The following CMKLR1 variants were observed in gnomAD, a reference collection of about 807,000 sequenced individuals.
CMKLR1 encodes the protein chemerin-like receptor 1.
CMKLR1 carries 6 observed loss-of-function variants against 8.2 expected under a neutral mutation model. The ratio of observed to expected loss-of-function variants is 0.73; its 90% CI spans 0.40 to 1.44. The LOEUF is 1.44. CMKLR1 is among the 40% of genes most tolerant of loss of function. CMKLR1 has a pLI of 0.02. For missense variants in CMKLR1, 429 were observed against 478.0 expected (o/e 0.90, Z 0.96); for synonymous variants, 178 against 181.2 (o/e 0.98, Z 0.14).
At position 108,319,669 on chromosome 12, in the gene CMKLR1, T is replaced by G. The variant is rs1891813370; in HGVS notation, c.-74+10326A>C. On this transcript the variant is annotated intron_variant, in intron 2 of 3. Transcript: ENST00000550402. Reference sequence around the variant, plus strand: ...ATAATAATACCTGGCCCATGGTATGTTCTCAGTATATTATCCATTGTTATT... The same window carrying G: ...ATAATAATACCTGGCCCATGGTATGGTCTCAGTATATTATCCATTGTTATT... Among the ~76,000 whole-genome samples the G allele has an allele frequency of 2.0e-5, 3 of 152,228 alleles. No individual in the cohort carries two copies. In the South Asian group the frequency reaches 6.2e-4, roughly 32 times the overall value.
intron 2 of CMKLR1, among the ~76,000 whole-genome samples, chr12:108,301,486 C>A (rs1159433028): frequency 6.6e-6 from 1 of 152,166 alleles, no homozygotes; most frequent in Non-Finnish European, 1.5e-5. Flanking sequence ...GCCACCCAGG[C>A]CACCCACACA....
intron 1 of CMKLR1, among the ~76,000 whole-genome samples, chr12:108,335,434 C>A (rs1436718976): frequency 6.6e-6 from 1 of 152,178 alleles, no homozygotes; most frequent in South Asian, 2.1e-4. Flanking sequence ...AGTGGGACCA[C>A]CAGATGAGTC....
chr12:108,337,719 C>T (rs1892261580), intron 1 of CMKLR1, among the ~76,000 whole-genome samples: 2 of 152,068 alleles, frequency 1.3e-5, no homozygotes, highest in South Asian at 4.2e-4. Flanking sequence ...CCAAAGAAGG[C>T]CCCTGTGCAT....
rs1417635171 is a variant in CMKLR1, at chr12:108,288,485, G to A, written c.*3356C>T. The A allele has an allele frequency of 6.6e-6, 1 of 152,188 alleles. No individual in the cohort carries two copies. Among genetic ancestry groups the A allele is most frequent in the Non-Finnish European group, 1.5e-5 (1 of 68,096 alleles). The allele number at this position is 152,188 out of a possible 1,614,324, so 9.4% of individuals were successfully genotyped here. A position where few individuals can be genotyped will look rare whatever the true frequency, so the allele number is the denominator to read the frequency against. Reference sequence around the variant, plus strand: ...TCCCAACCCCACCAGAGCTGACTCTGGGGTCGAATTTGAGCCAATCCCCTC... The same window carrying A: ...TCCCAACCCCACCAGAGCTGACTCTAGGGTCGAATTTGAGCCAATCCCCTC... On this transcript the variant is annotated 3_prime_UTR_variant, in exon 4 of 4. Coordinates refer to ENST00000550402, the MANE Select transcript of CMKLR1 (RefSeq NM_001142343.2).
chr12:108,314,936 T>G (rs906095341), intron 2 of CMKLR1, among the ~76,000 whole-genome samples: 32 of 145,984 alleles, frequency 2.2e-4, no homozygotes, highest in African/African-American at 7.8e-4. Flanking sequence ...ACAGCCTTGT[T>G]TTTTTTTTTT....
rs1220472367 is a variant in CMKLR1 at position 108,291,452 on chromosome 12, A to AC, written c.*388dup. 4.9e-6 allele frequency: 1 copy of AC among 204,064 alleles called. No individual in the cohort carries two copies. The highest frequency in any genetic ancestry group is 5.3e-5 in the Admixed American group (1 of 18,976). 12.6% of individuals were successfully genotyped at this position (204,064 alleles called of 1,614,324 possible). On this transcript the variant is annotated 3_prime_UTR_variant, in exon 4 of 4. Transcript: ENST00000550402. ...TCTGCATCACACTGGGTTTGCTCTG[A>AC]CCCCCTCACTGCTCACACCAGGAAT...
intron 2 of CMKLR1, among the ~76,000 whole-genome samples, chr12:108,312,086 C>T (rs1394446714): frequency 1.3e-5 from 2 of 152,200 alleles, no homozygotes; most frequent in Admixed American, 6.5e-5. Context: ...GTGCCAGGCA[C>T]CTAGCTGTGA....
intron 2 of CMKLR1, among the ~76,000 whole-genome samples, chr12:108,319,904 A>C (rs565861463): frequency 1.3e-5 from 2 of 152,296 alleles, no homozygotes; most frequent in South Asian, 2.1e-4. Context: ...CTTACTGAGC[A>C]CATATTACCT....
intron 2 of CMKLR1, among the ~76,000 whole-genome samples, chr12:108,327,910 A>T (rs911644891): frequency 6.6e-6 from 1 of 152,166 alleles, no homozygotes; most frequent in Non-Finnish European, 1.5e-5. Context: ...CTTCCAGGAC[A>T]TGGAGGATGT....
intron 2 of CMKLR1, among the ~76,000 whole-genome samples, chr12:108,294,043 T>C (rs1891061895): frequency 6.6e-6 from 1 of 152,184 alleles, no homozygotes. Context: ...ACCCACAAAA[T>C]ACTGTTTTAG....
Position 108,291,991 on chromosome 12 carries a change from C to T in CMKLR1, c.972G>A (p.Lys324=). The change falls in exon 4 of 4, where the codon AAG becomes AAA. Residue 324 remains lysine (K), a synonymous_variant. Transcript: ENST00000550402. ...ILYVFMGQDF[K]KFKVALFSRL... The stretch of plus-strand genomic sequence containing the variant: ...GAGAGAAGAGGGCCACCTTGAACTT[C>T]TTGAAGTCCTGACCCATGAAAACAT... 1 of 1,614,180 alleles carries T rather than the reference C, an allele frequency of 6.2e-7. No homozygotes were observed. The highest frequency in any genetic ancestry group is 8.5e-7 in the Non-Finnish European group (1 of 1,180,038).
Position 108,325,617 on chromosome 12 carries a change from G to C in CMKLR1, c.-74+4378C>G, listed in dbSNP as rs78686612. Among the ~76,000 whole-genome samples, 1,314 of 152,246 alleles carry C rather than the reference G, an allele frequency of 8.6e-3. 15 individuals are homozygous for C. The highest frequency in any genetic ancestry group is 0.03 in the African/African-American group (1,243 of 41,544). On this transcript the variant is annotated intron_variant, in intron 2 of 3. Coordinates refer to ENST00000550402, the MANE Select transcript of CMKLR1 (RefSeq NM_001142343.2). ...GATCCATCTCCCCCTGCCCCACCCAGATAACCCTATGAGGCAACATCATCC... is the reference window on the plus strand; with the variant it reads ...GATCCATCTCCCCCTGCCCCACCCACATAACCCTATGAGGCAACATCATCC...
At chr12:108,311,451 G>C (rs974517176) in intron 2 of CMKLR1, among the ~76,000 whole-genome samples, 2 of 152,074 alleles carry the variant, frequency 1.3e-5, no homozygotes, top group Non-Finnish European at 1.5e-5. Context: ...CCTGCCTCTA[G>C]GGGAAAAAAT....
chr12:108,326,907 C>T (rs10778624), intron 2 of CMKLR1, among the ~76,000 whole-genome samples: 62,981 of 151,986 alleles, frequency 0.41, 13,503 homozygotes, highest in African/African-American at 0.48. Context: ...CTGCTATGTG[C>T]TTTTTCATGG....
chr12:108,314,934 G>GTTTTTTT (rs3045858), intron 2 of CMKLR1, among the ~76,000 whole-genome samples: 6 of 109,574 alleles, frequency 5.5e-5, no homozygotes, highest in East Asian at 2.7e-4. Flanking sequence ...ACACAGCCTT[G>GTTTTTTT]TTTTTTTTTT....
At chr12:108,323,788 G>A (rs907124448) in intron 2 of CMKLR1, among the ~76,000 whole-genome samples, 4 of 152,308 alleles carry the variant, frequency 2.6e-5, no homozygotes, top group Middle Eastern at 3.4e-3. Flanking sequence ...CCAATCTAGC[G>A]CCTCAGTTTC....
intron 2 of CMKLR1, among the ~76,000 whole-genome samples, chr12:108,300,466 G>C (rs2137302084): frequency 6.6e-6 from 1 of 151,480 alleles, no homozygotes; most frequent in Non-Finnish European, 1.5e-5. Flanking sequence ...AATATTGTTT[G>C]ATGAATGAAT....
intron 2 of CMKLR1, among the ~76,000 whole-genome samples, chr12:108,314,939 T>TG (rs1891680095): frequency 6.7e-6 from 1 of 149,418 alleles, no homozygotes; most frequent in Admixed American, 6.7e-5. Context: ...GCCTTGTTTT[T>TG]TTTTTTTTTT....
chr12:108,312,592 T>C (rs1891614514), intron 2 of CMKLR1, among the ~76,000 whole-genome samples: 1 of 152,184 alleles, frequency 6.6e-6, no homozygotes, highest in Non-Finnish European at 1.5e-5. Context: ...TTCATTCCCA[T>C]TTTTCAGATG....
Sources: allele counts gnomAD v4.1 joint callset (sites outside exome capture counted in the v4.1 genomes callset), GRCh38; gene constraint gnomAD v4.1.1; transcripts MANE v1.5; gene names NCBI Gene and HGNC (gene_info 2026-07-23, HGNC 2026-07-21).